EPHA6: variants seen among roughly 807,000 people sequenced by gnomAD.
EPHA6 encodes EPH receptor A6.
A neutral mutation model predicts 112.0 loss-of-function variants in EPHA6; 50 were observed. That is an observed-to-expected ratio of 0.45 (90% confidence interval 0.36 to 0.56). The LOEUF (loss-of-function observed/expected upper bound fraction) is 0.56, where lower values mean the gene tolerates loss of function less well. Among genes scored for constraint, EPHA6 ranks in the 20% least tolerant of loss-of-function variants. EPHA6 has a pLI of 0.00. For synonymous variants in EPHA6, 529 were observed against 490.7 expected (o/e 1.08, Z -1.03); for missense variants, 1,280 against 1,417.4 (o/e 0.90, Z 1.56).
chr3:97,397,863 A>G (rs929278479), intron 5 of EPHA6, among the ~76,000 whole-genome samples: 6 of 151,534 alleles, frequency 4.0e-5, no homozygotes, highest in Admixed American at 4.0e-4. Context: ...AAATAAATAG[A>G]ATTATGTAAA....
intron 14 of EPHA6, among the ~76,000 whole-genome samples, chr3:97,655,090 T>A (rs1327539843): frequency 6.8e-6 from 1 of 148,026 alleles, no homozygotes; most frequent in Non-Finnish European, 1.5e-5. Flanking sequence ...AAAATATATA[T>A]ATTATATGTT....
At chr3:96,891,288 A>G (rs1159273738) in intron 2 of EPHA6, among the ~76,000 whole-genome samples, 1 of 152,238 alleles carries the variant, frequency 6.6e-6, no homozygotes, top group Non-Finnish European at 1.5e-5. Context: ...ATACAGCACT[A>G]TAGATGAATG....
At chr3:97,588,035 A>G (rs2093507356) in intron 11 of EPHA6, among the ~76,000 whole-genome samples, 1 of 152,224 alleles carries the variant, frequency 6.6e-6, no homozygotes, top group Non-Finnish European at 1.5e-5. Flanking sequence ...TTTACAGGGG[A>G]TATTATCAGT....
At chr3:97,110,699 AT>A (rs938476970) in intron 3 of EPHA6, among the ~76,000 whole-genome samples, 1 of 149,696 alleles carries the variant, frequency 6.7e-6, no homozygotes, top group Non-Finnish European at 1.5e-5. Flanking sequence ...TAATTTTTGT[AT>A]TTTTTTTTAG....
intron 14 of EPHA6, among the ~76,000 whole-genome samples, chr3:97,712,935 A>G (rs192074885): frequency 4.0e-4 from 61 of 152,332 alleles, no homozygotes; most frequent in Non-Finnish European, 8.1e-4. Context: ...GCAAGTAGAA[A>G]ACAAAGCTGA....
In EPHA6 at chr3:97,642,664, G is replaced by A. The variant is rs539462920; in HGVS notation, c.2784+4582G>A. On this transcript the variant is annotated intron_variant, in intron 14 of 17. Coordinates refer to ENST00000389672, the MANE Select transcript of EPHA6 (RefSeq NM_001080448.3). ...GAATGCAGAAGTCTTAGGAGCCGAT[G>A]CGATCAACTGGAAGAAAGGGTATCA... 5.9e-4 allele frequency among the ~76,000 whole-genome samples: 90 copies of A among 152,286 alleles called. 1 individual carries two copies. The South Asian group carries it at 0.013, about 22-fold the overall frequency.
At chr3:97,584,632 G>A (rs2093470796) in intron 11 of EPHA6, among the ~76,000 whole-genome samples, 2 of 152,122 alleles carry the variant, frequency 1.3e-5, no homozygotes, top group Admixed American at 1.3e-4. Flanking sequence ...GAACAGAGAA[G>A]AGAATAGCAA....
rs542406110 is a variant in EPHA6 at position 97,633,215 on chromosome 3, T to A, written c.2575-4658T>A. Among the ~76,000 whole-genome samples the A allele has an allele frequency of 3.9e-5, 6 of 152,092 alleles. No individual in the cohort carries two copies. The East Asian group carries it at 7.8e-4, about 20-fold the overall frequency. On this transcript the variant is annotated intron_variant, in intron 13 of 17. Transcript: ENST00000389672. ...ATTATATATAGCTTTCAGAAACCCC[T>A]TCCAATCAGGCTCACCCTTTCTGTC...
intron 10 of EPHA6, among the ~76,000 whole-genome samples, chr3:97,514,656 T>C (rs865803240): frequency 6.6e-5 from 10 of 152,066 alleles, no homozygotes; most frequent in South Asian, 2.1e-4. Flanking sequence ...TATGACTATG[T>C]TTGGAGATAG....
chr3:97,176,340 A>G (rs2076834784), intron 3 of EPHA6, among the ~76,000 whole-genome samples: 1 of 151,754 alleles, frequency 6.6e-6, no homozygotes, highest in South Asian at 2.1e-4. Context: ...TTTGTCAGAG[A>G]TATTGGCCTG....
intron 11 of EPHA6, among the ~76,000 whole-genome samples, chr3:97,579,285 G>A (rs2093416091): frequency 6.6e-6 from 1 of 151,802 alleles, no homozygotes; most frequent in Non-Finnish European, 1.5e-5. Context: ...CAATTAGGCT[G>A]CACTTATTTT....
At chr3:96,939,709 A>T (rs956133006) in intron 2 of EPHA6, among the ~76,000 whole-genome samples, 3 of 152,162 alleles carry the variant, frequency 2.0e-5, no homozygotes, top group African/African-American at 7.2e-5. Context: ...GTGTCAATTT[A>T]GGATCTTTCT....
chr3:96,902,890 T>C (rs796305226), intron 2 of EPHA6, among the ~76,000 whole-genome samples: 115 of 152,328 alleles, frequency 7.5e-4, no homozygotes, highest in African/African-American at 2.6e-3. Flanking sequence ...GTGCTAGATA[T>C]ATTTTTAAGC....
At chr3:97,707,829 T>C (rs2033762059) in intron 14 of EPHA6, among the ~76,000 whole-genome samples, 1 of 152,142 alleles carries the variant, frequency 6.6e-6, no homozygotes, top group South Asian at 2.1e-4. Context: ...GGTTTAAAAG[T>C]GTTTGGCAGT....
At chr3:97,716,567 T>C (rs1576342383) in intron 14 of EPHA6, among the ~76,000 whole-genome samples, 1 of 109,158 alleles carries the variant, frequency 9.2e-6, no homozygotes, top group Admixed American at 1.3e-4. Context: ...AGAGCGAGAC[T>C]CCGTCTCAAA....
intron 5 of EPHA6, among the ~76,000 whole-genome samples, chr3:97,247,783 T>C (rs1025243155): frequency 6.6e-6 from 1 of 151,940 alleles, no homozygotes; most frequent in African/African-American, 2.4e-5. Context: ...TGCTGGAATT[T>C]TTCCAGGGCC....
Position 96,815,621 on chromosome 3 carries a change from G to A in EPHA6, c.385+613G>A, listed in dbSNP as rs1432631316. Among the ~76,000 whole-genome samples, 4 of 152,140 alleles carry A rather than the reference G, an allele frequency of 2.6e-5. No homozygotes were observed. The South Asian group carries it at 8.3e-4, about 32-fold the overall frequency. ...GGGCAGGGAGTAGAAAAGGGTTTAG[G>A]GTGAATTTCCAAGTTGTGAATACCC... On this transcript the variant is annotated intron_variant, in intron 1 of 17. Coordinates refer to ENST00000389672, the MANE Select transcript of EPHA6 (RefSeq NM_001080448.3).
intron 2 of EPHA6, among the ~76,000 whole-genome samples, chr3:96,878,811 G>A (rs531264029): frequency 6.6e-6 from 1 of 152,062 alleles, no homozygotes; most frequent in Admixed American, 6.5e-5. Context: ...TTTTGTCATA[G>A]AGAAGGAATA....
chr3:97,591,776 A>G (rs2093546990), intron 11 of EPHA6, among the ~76,000 whole-genome samples: 1 of 152,176 alleles, frequency 6.6e-6, no homozygotes, highest in South Asian at 2.1e-4. Context: ...CTCCCAAATA[A>G]GAATGTATTC....
Sources: allele counts gnomAD v4.1 joint callset (sites outside exome capture counted in the v4.1 genomes callset), GRCh38; gene constraint gnomAD v4.1.1; transcripts MANE v1.5; gene names NCBI Gene and HGNC (gene_info 2026-07-23, HGNC 2026-07-21).